CALCR: variants seen among roughly 807,000 people sequenced by gnomAD.
The protein encoded by CALCR is calcitonin receptor.
CALCR carries 47 observed loss-of-function variants against 59.5 expected under a neutral mutation model. The ratio of observed to expected loss-of-function variants is 0.79; its 90% confidence interval spans 0.63 to 1.01. The LOEUF (loss-of-function observed/expected upper bound fraction) is 1.01, where lower values mean the gene tolerates loss of function less well. Among genes scored for constraint, CALCR ranks in the 50% least tolerant of loss-of-function variants. The pLI, the probability that CALCR is intolerant of heterozygous loss-of-function variation, is 0.00. For missense variants in CALCR, 566 were observed against 597.1 expected, an observed-to-expected ratio of 0.95 and a Z score of 0.54; for synonymous variants, 213 against 211.3, an observed-to-expected ratio of 1.01 and a Z score of -0.07.
intron 2 of CALCR, among the ~76,000 whole-genome samples, chr7:93,546,070 A>T (rs1002382394): frequency 4.6e-5 from 7 of 152,122 alleles, no homozygotes; most frequent in East Asian, 1.9e-4. Flanking sequence ...ATTCTAAGAA[A>T]TTTTTTTACC....
At chr7:93,528,440 A>T (rs1376252473) in intron 2 of CALCR, among the ~76,000 whole-genome samples, 4 of 151,948 alleles carry the variant, frequency 2.6e-5, no homozygotes, top group African/African-American at 9.7e-5. Context: ...CCCCCAGCCC[A>T]CAACAGGCCC....
chr7:93,567,262 C>A (rs902281332), intron 2 of CALCR, among the ~76,000 whole-genome samples: 1 of 152,130 alleles, frequency 6.6e-6, no homozygotes, highest in Non-Finnish European at 1.5e-5. Context: ...TAACTTAAAA[C>A]AAGAAAACTT....
At chr7:93,429,830 G>A (rs1468166300) in intron 13 of CALCR, among the ~76,000 whole-genome samples, 3 of 146,080 alleles carry the variant, frequency 2.1e-5, no homozygotes, top group Non-Finnish European at 4.5e-5. Context: ...TGCAACCTGA[G>A]CTTGACATTT....
Position 93,505,482 on chromosome 7 carries a change from A to T in CALCR, c.-26-18475T>A, listed in dbSNP as rs374868753. Among the ~76,000 whole-genome samples the T allele has an allele frequency of 7.2e-5, 11 of 152,316 alleles. No homozygotes were observed. The East Asian group carries it at 1.9e-3, about 27-fold the overall frequency. ...GAAGAAACCAAGACTCAGGGAGGAG[A>T]AAGAACTTGTCCAAATTTACAAAGT... On this transcript the variant is annotated intron_variant, in intron 2 of 13. Coordinates refer to ENST00000426151, the MANE Select transcript of CALCR (RefSeq NM_001742.4).
At chr7:93,551,235 G>A (rs1480617076) in intron 2 of CALCR, among the ~76,000 whole-genome samples, 2 of 152,178 alleles carry the variant, frequency 1.3e-5, no homozygotes, top group East Asian at 1.9e-4. Context: ...CATTAACAGA[G>A]TGTTAACACT....
At chr7:93,544,558 T>G (rs1789234531) in intron 2 of CALCR, among the ~76,000 whole-genome samples, 1 of 152,216 alleles carries the variant, frequency 6.6e-6, no homozygotes, top group South Asian at 2.1e-4. Flanking sequence ...TTATTTTTCT[T>G]TGTAAATTTT....
Position 93,477,617 on chromosome 7 carries a change from G to T in CALCR, c.257C>A (p.Pro86Gln), listed in dbSNP as rs146344939. The T allele has an allele frequency of 3.1e-6, 5 of 1,611,356 alleles. No homozygotes were observed. Among genetic ancestry groups the T allele is most frequent in the Non-Finnish European group, 4.2e-6 (5 of 1,178,404 alleles). The change falls in exon 5 of 14, where the codon CCG becomes CAG. Residue 86 changes from proline (P) to glutamine (Q), a missense_variant. By Grantham distance (76) the Pro-to-Gln change is moderately conservative. Transcript: ENST00000426151. The part of the protein sequence containing the change: ...WDGWLCWDDT[P>Q]AGVLSYQFCP... ...GAACTGATAGGACAATACTCCAGCC[G>T]GTGTGTCATCCCAGCACAGCCATCC...
intron 2 of CALCR, among the ~76,000 whole-genome samples, chr7:93,548,839 A>AGTGTGTGTGTGTGTGTGTGTGTGT (rs754317267): frequency 1.5e-5 from 2 of 137,438 alleles, no homozygotes; most frequent in African/African-American, 2.6e-5. Context: ...ATCCAGAAGA[A>AGTGTGTGTGTGTGTGTGTGTGTGT]GTGTGTGTGT....
At chr7:93,557,488 A>G (rs1291901306) in intron 2 of CALCR, among the ~76,000 whole-genome samples, 2 of 151,792 alleles carry the variant, frequency 1.3e-5, no homozygotes, top group African/African-American at 4.8e-5. Flanking sequence ...TATTTGTTCT[A>G]TACATCGTGA....
intron 2 of CALCR, among the ~76,000 whole-genome samples, chr7:93,491,295 T>A (rs1427407906): frequency 6.6e-6 from 1 of 151,826 alleles, no homozygotes; most frequent in African/African-American, 2.4e-5. Context: ...CCACAAACCA[T>A]AAAAACTCTA....
chr7:93,447,520 GTAGAGGAAGACCTTAAGTATGAGAAA>G (rs1487093567), intron 8 of CALCR, among the ~76,000 whole-genome samples: 43 of 151,916 alleles, frequency 2.8e-4, no homozygotes, highest in African/African-American at 9.2e-4. Flanking sequence ...TGTGGTGGGG[GTAGAGGAAGACCTTAAGTATGAGAAA>G]TAGAGGAAGA....
At chr7:93,434,401 A>AAAATTATCT (rs760812135) in intron 12 of CALCR, 107 bp from the exon 13 acceptor site, 1 of 695,182 alleles carries the variant, frequency 1.4e-6, no homozygotes, top group Non-Finnish European at 2.5e-6. Flanking sequence ...AAAAAAAAAA[A>AAAATTATCT]AGCAAGAAAA....
rs546932316 is a variant in CALCR at position 93,550,640 on chromosome 7, C to CAT, written c.-27+23648_-27+23649insAT. 4.1e-3 allele frequency among the ~76,000 whole-genome samples: 600 copies of CAT among 146,854 alleles called. 6 individuals carry two copies. Among genetic ancestry groups the CAT allele is most frequent in the East Asian group, 0.014 (68 of 4,888 alleles). The stretch of plus-strand genomic sequence containing the variant: ...ACACACACACACACACACACACACA[C>CAT]GAGAGACAGAGTTTTGTAACAATTG... On this transcript the variant is annotated intron_variant, in intron 2 of 13. Coordinates refer to ENST00000426151, the MANE Select transcript of CALCR (RefSeq NM_001742.4).
At chr7:93,438,149 T>C (rs752390163) in intron 10 of CALCR, 23 bp from the exon 11 acceptor site, 1 of 1,613,322 alleles carries the variant, frequency 6.2e-7, no homozygotes, top group Non-Finnish European at 8.5e-7. Context: ...AAGGGGACAA[T>C]TAATACACAA....
chr7:93,509,175 G>A (rs145392911), intron 2 of CALCR, among the ~76,000 whole-genome samples: 8 of 152,136 alleles, frequency 5.3e-5, no homozygotes, highest in African/African-American at 9.6e-5. Flanking sequence ...GAGGGATCCC[G>A]TAAGATTCCC....
intron 2 of CALCR, among the ~76,000 whole-genome samples, chr7:93,493,538 C>T (rs1801130134): frequency 6.6e-6 from 1 of 151,438 alleles, no homozygotes; most frequent in Non-Finnish European, 1.5e-5. Flanking sequence ...TCCCTGGCAA[C>T]AGCCTCTAGA....
At chr7:93,560,695 G>A (rs1052127135) in intron 2 of CALCR, among the ~76,000 whole-genome samples, 1 of 152,100 alleles carries the variant, frequency 6.6e-6, no homozygotes, top group Non-Finnish European at 1.5e-5. Context: ...CTACAGAATG[G>A]TGGAGGCACA....
At chr7:93,517,194 C>T (rs374748962) in intron 2 of CALCR, among the ~76,000 whole-genome samples, 5 of 150,554 alleles carry the variant, frequency 3.3e-5, no homozygotes, top group South Asian at 4.1e-4. Flanking sequence ...ATACCTATCA[C>T]GCTGCCAGGC....
intron 2 of CALCR, among the ~76,000 whole-genome samples, chr7:93,542,833 C>T (rs569735331): frequency 1.3e-5 from 2 of 152,110 alleles, no homozygotes; most frequent in Non-Finnish European, 2.9e-5. Flanking sequence ...TTTCTACCTT[C>T]ATATCTTATT....
Sources: allele counts gnomAD v4.1 joint callset (sites outside exome capture counted in the v4.1 genomes callset), GRCh38; gene constraint gnomAD v4.1.1; transcripts MANE v1.5; gene names NCBI Gene and HGNC (gene_info 2026-07-23, HGNC 2026-07-21).